ANO1: variants seen among roughly 807,000 people sequenced by gnomAD.
ANO1 encodes anoctamin 1.
In ANO1, 59 loss-of-function variants were observed where a neutral mutation model predicts 124.0. That is an observed-to-expected ratio of 0.48 (90% CI 0.39 to 0.59). The LOEUF (loss-of-function observed/expected upper bound fraction) is 0.59. Among genes scored for constraint, ANO1 ranks in the 20% least tolerant of loss-of-function variants. The probability of loss-of-function intolerance (pLI) is 0.00; values close to 1 mark genes in which losing one functional copy is unlikely to be tolerated. For synonymous variants in ANO1, 529 were observed against 532.0 expected (o/e 0.99, Z 0.08); for missense variants, 1,059 against 1,328.0 (o/e 0.80, Z 3.15).
intron 1 of ANO1, among the ~76,000 whole-genome samples, chr11:70,085,887 C>T (rs2044355512): frequency 6.6e-6 from 1 of 152,260 alleles, no homozygotes; most frequent in Non-Finnish European, 1.5e-5. Context: ...TGCCCCTTTT[C>T]CCGACCAGTG....
chr11:70,131,848 C>T (rs2046769873), intron 10 of ANO1, 71 bp from the exon 11 acceptor site: 1 of 1,522,224 alleles, frequency 6.6e-7, no homozygotes, highest in Admixed American at 1.9e-5. Flanking sequence ...TCTCCCAGGC[C>T]AGCTCGGCAC....
intron 1 of ANO1, among the ~76,000 whole-genome samples, chr11:70,019,263 A>C (rs1856758465): frequency 2.1e-5 from 2 of 95,344 alleles, no homozygotes; most frequent in African/African-American, 3.7e-5. Context: ...ACACACACAC[A>C]TTCACTCCCC....
At chr11:70,086,185 T>C (rs576682538) in intron 1 of ANO1, among the ~76,000 whole-genome samples, 34 of 152,366 alleles carry the variant, frequency 2.2e-4, no homozygotes, top group African/African-American at 7.5e-4. Context: ...CACAGCTCTG[T>C]GGACCATTAG....
At chr11:70,005,641 C>G (rs1192331804) in intron 1 of ANO1, among the ~76,000 whole-genome samples, 1 of 152,142 alleles carries the variant, frequency 6.6e-6, no homozygotes, top group Non-Finnish European at 1.5e-5. Flanking sequence ...GTCTTTCTCC[C>G]CCTCATTTTA....
chr11:70,181,097 C>T (rs926253174), intron 23 of ANO1, among the ~76,000 whole-genome samples: 5 of 152,216 alleles, frequency 3.3e-5, no homozygotes, highest in Non-Finnish European at 5.9e-5. Flanking sequence ...CCCAAGGCTG[C>T]ATCCTAGACA....
chr11:70,120,862 G>T (rs867098808), intron 8 of ANO1, among the ~76,000 whole-genome samples: 1 of 152,128 alleles, frequency 6.6e-6, no homozygotes, highest in Non-Finnish European at 1.5e-5. Context: ...GACTGGAGCC[G>T]CCTGGCTGGC....
chr11:70,177,588 T>C (rs2048758729), intron 22 of ANO1, among the ~76,000 whole-genome samples: 2 of 126,708 alleles, frequency 1.6e-5, no homozygotes, highest in African/African-American at 5.9e-5. Context: ...CTTTTCTTTT[T>C]TTTTTCTTTT....
upstream of ANO1, among the ~76,000 whole-genome samples, chr11:69,982,261 C>T (rs566156502): frequency 6.6e-6 from 1 of 152,324 alleles, no homozygotes; most frequent in Admixed American, 6.5e-5. Context: ...CCCCGTTACT[C>T]GCCAGATGCC....
intron 11 of ANO1, among the ~76,000 whole-genome samples, chr11:70,137,329 TCCCCTGCCTGCCCCTGCCTG>T (rs538558710): frequency 2.2e-5 from 3 of 138,884 alleles, no homozygotes; most frequent in Admixed American, 7.6e-5. Flanking sequence ...CTGTCCTCTC[TCCCCTGCCTGCCCCTGCCTG>T]CCCCTGCCTG....
At chr11:70,104,558 T>A (rs868845739) in intron 4 of ANO1, among the ~76,000 whole-genome samples, 1 of 151,786 alleles carries the variant, frequency 6.6e-6, no homozygotes, top group Non-Finnish European at 1.5e-5. Context: ...TTGAAAAGCA[T>A]CCCCAGGCAG....
chr11:70,123,153 C>A (rs892108178), intron 8 of ANO1, among the ~76,000 whole-genome samples: 1 of 151,910 alleles, frequency 6.6e-6, no homozygotes, highest in African/African-American at 2.4e-5. Context: ...ACTCTCGATT[C>A]GGGGGTGGGG....
chr11:70,087,012 C>T (rs577213984), intron 1 of ANO1, among the ~76,000 whole-genome samples: 109 of 152,368 alleles, frequency 7.2e-4, no homozygotes, highest in South Asian at 7.0e-3. Flanking sequence ...GAGATTTGCA[C>T]GCACAGAACC....
At chr11:70,094,411 G>A (rs558637476) in intron 2 of ANO1, among the ~76,000 whole-genome samples, 7 of 152,350 alleles carry the variant, frequency 4.6e-5, no homozygotes, top group South Asian at 2.1e-4. Context: ...ACTGGCAGGG[G>A]CTGGGGAGAG....
chr11:70,183,049 C>T (rs1210719341), intron 24 of ANO1, among the ~76,000 whole-genome samples: 1 of 152,138 alleles, frequency 6.6e-6, no homozygotes, highest in Admixed American at 6.5e-5. Flanking sequence ...TTTGAGGCTG[C>T]AGTGAGCTAT....
the ANO1 span, among the ~76,000 whole-genome samples, chr11:69,969,289 G>A: frequency 2.6e-5 from 4 of 152,302 alleles, no homozygotes; most frequent in African/African-American, 7.2e-5. Flanking sequence ...CTAGGGCAGA[G>A]GCTGAGAAGG....
At chr11:70,075,058 G>T (rs1218616784), upstream of ANO1, 11 of 152,216 alleles carry the variant, frequency 7.2e-5, no homozygotes, top group African/African-American at 2.2e-4. Context: ...TGGGGAGCGA[G>T]GTTCTTGTTC....
chr11:70,034,936 C>T (rs1339723348), intron 1 of ANO1, among the ~76,000 whole-genome samples: 3 of 151,358 alleles, frequency 2.0e-5, no homozygotes, highest in African/African-American at 4.9e-5. Context: ...TTGTTCTTGC[C>T]GCATCCCAGA....
chr11:70,161,172 G>A lies in ANO1; in HGVS notation c.1590G>A (p.Thr530=), dbSNP rs748247185. The part of the protein sequence containing the change: ...LVSIIFMIAV[T]FAIVLGVIIY... ...TTTCCCCCCTGCAGATTGCAGTGAC[G>A]TTTGCCATCGTCCTCGGCGTCATCA... The change falls in exon 17 of 26, where the codon ACG becomes ACA. Residue 530 remains threonine (T), a synonymous_variant. Coordinates refer to ENST00000355303, the MANE Select transcript of ANO1 (RefSeq NM_018043.7). The A allele has an allele frequency of 6.8e-5, 110 of 1,613,574 alleles. 2 individuals carry two copies. In the South Asian group the frequency reaches 1.1e-3, roughly 17 times the overall value.
chr11:70,177,429 G>A (rs1179379497), intron 22 of ANO1, among the ~76,000 whole-genome samples: 1 of 152,186 alleles, frequency 6.6e-6, no homozygotes, highest in Non-Finnish European at 1.5e-5. Flanking sequence ...CCATAATGGA[G>A]GTCGGAGGTC....
Sources: allele counts gnomAD v4.1 joint callset (sites outside exome capture counted in the v4.1 genomes callset), GRCh38; gene constraint gnomAD v4.1.1; transcripts MANE v1.5; gene names NCBI Gene and HGNC (gene_info 2026-07-23, HGNC 2026-07-21).